The following CCDC178 variants were observed in gnomAD, a reference collection of about 807,000 sequenced individuals.
The protein encoded by CCDC178 is coiled-coil domain-containing protein 178.
CCDC178 carries 126 observed loss-of-function variants against 117.4 expected under a neutral mutation model. The ratio of observed to expected loss-of-function variants is 1.07; its 90% CI spans 0.93 to 1.24. CCDC178 has a LOEUF of 1.24. CCDC178 is among the 50% of genes most tolerant of loss of function. The pLI, the probability that CCDC178 is intolerant of heterozygous loss-of-function variation, is 0.00. For missense variants in CCDC178, 1,030 were observed against 986.9 expected (o/e 1.04, Z -0.59); for synonymous variants, 283 against 313.4 (o/e 0.90, Z 1.02).
At chr18:33,227,222 T>C (rs188215257) in intron 15 of CCDC178, among the ~76,000 whole-genome samples, 28 of 151,604 alleles carry the variant, frequency 1.8e-4, no homozygotes, top group Admixed American at 6.6e-4. Context: ...CAAAACAAGA[T>C]AGATGCAAGT....
intron 20 of CCDC178, among the ~76,000 whole-genome samples, chr18:33,185,673 G>C (rs1007228053): frequency 2.0e-5 from 3 of 151,966 alleles, no homozygotes. Flanking sequence ...TTCTCACAAA[G>C]AGAAATTTAG....
chr18:33,075,537 T>C (rs2057190332), intron 21 of CCDC178, among the ~76,000 whole-genome samples: 1 of 152,202 alleles, frequency 6.6e-6, no homozygotes, highest in Non-Finnish European at 1.5e-5. Context: ...TAAATATATA[T>C]ACCTACTATG....
rs1042102476 is a variant in CCDC178, at chr18:33,370,188, C to T, written c.210G>A (p.Gly70=). ...AGCTAAAGTAAATGCCTTTATTCAC[C>T]CCTAAAGAGAACAAATAGAAGTTCA... ...FHESKMTNTE[G]VNKGIYFSYP... The change falls in exon 6 of 23, where the codon GGG becomes GGA. Residue 70 remains glycine (G), a splice_region_variant and synonymous_variant. Coordinates refer to ENST00000383096, the MANE Select transcript of CCDC178 (RefSeq NM_001105528.4). 3 of 1,590,676 alleles carry T rather than the reference C, an allele frequency of 1.9e-6. No homozygotes were observed. The highest frequency in any genetic ancestry group is 2.7e-5 in the African/African-American group (2 of 73,138).
At chr18:33,156,356 G>T (rs532770969) in intron 20 of CCDC178, among the ~76,000 whole-genome samples, 6 of 151,424 alleles carry the variant, frequency 4.0e-5, no homozygotes, top group Admixed American at 3.9e-4. Context: ...CCAAAGTGCT[G>T]GGATTACAGG....
chr18:33,159,745 T>C lies in CCDC178; in HGVS notation c.2238+52151A>G, dbSNP rs180909538. On this transcript the variant is annotated intron_variant, in intron 20 of 22. Transcript: ENST00000383096. ...GGTTCTGGTGATTAGGATGCAGATA[T>C]CTTAGGGCACCATTATTTAGTCTAC... Among the ~76,000 whole-genome samples the C allele has an allele frequency of 2.6e-5, 4 of 152,236 alleles. No homozygotes were observed. In the East Asian group the frequency reaches 5.8e-4, roughly 22 times the overall value.
chr18:33,167,335 G>T (rs545680976), intron 20 of CCDC178, among the ~76,000 whole-genome samples: 2 of 152,086 alleles, frequency 1.3e-5, no homozygotes, highest in Non-Finnish European at 1.5e-5. Context: ...TTGAGAAATT[G>T]CCAAACTGCT....
At position 33,153,924 on chromosome 18, in the gene CCDC178, A is replaced by C. The variant is rs75106432; in HGVS notation, c.2238+57972T>G. Reference sequence around the variant, plus strand: ...AGATGATTTCATTGTTATTTTGTCTACTTTTTAGATTATCAGCAATGATTT... The same window carrying C: ...AGATGATTTCATTGTTATTTTGTCTCCTTTTTAGATTATCAGCAATGATTT... On this transcript the variant is annotated intron_variant, in intron 20 of 22. Coordinates refer to ENST00000383096, the MANE Select transcript of CCDC178 (RefSeq NM_001105528.4). Among the ~76,000 whole-genome samples the C allele has an allele frequency of 6.7e-3, 1,020 of 152,174 alleles. 7 individuals are homozygous for C. The highest frequency in any genetic ancestry group is 0.031 in the Middle Eastern group (9 of 288).
At chr18:33,351,147 G>GGT (rs756492350) in intron 7 of CCDC178, among the ~76,000 whole-genome samples, 2 of 74,042 alleles carry the variant, frequency 2.7e-5, no homozygotes, top group South Asian at 5.9e-4. Flanking sequence ...CACTGATCAT[G>GGT]ATGTGTGTGT....
intron 21 of CCDC178, among the ~76,000 whole-genome samples, chr18:33,034,107 T>C (rs1012492272): frequency 1.3e-5 from 2 of 151,992 alleles, no homozygotes; most frequent in Admixed American, 6.6e-5. Context: ...GCAAGAAACC[T>C]TGGAGTCATC....
chr18:33,245,573 A>G (rs998769862), intron 14 of CCDC178, 145 bp from the exon 15 acceptor site: 6 of 921,040 alleles, frequency 6.5e-6, no homozygotes, highest in African/African-American at 1.7e-5. Context: ...AAGACAGAAC[A>G]TGTGTCCTAG....
chr18:33,117,034 G>T (rs994737827), intron 20 of CCDC178, among the ~76,000 whole-genome samples: 5 of 152,178 alleles, frequency 3.3e-5, no homozygotes, highest in Non-Finnish European at 7.4e-5. Context: ...ATCAATTGAT[G>T]GTCTGTGGTT....
chr18:33,416,305 T>C (rs1278267354), intron 2 of CCDC178, among the ~76,000 whole-genome samples: 1 of 151,980 alleles, frequency 6.6e-6, no homozygotes, highest in Non-Finnish European at 1.5e-5. Flanking sequence ...CGGGCGCCTA[T>C]AGTCCCAGCT....
chr18:33,069,847 C>G (rs1407978383), intron 21 of CCDC178, among the ~76,000 whole-genome samples: 1 of 151,860 alleles, frequency 6.6e-6, no homozygotes, highest in Non-Finnish European at 1.5e-5. Context: ...AAATAATCCA[C>G]TTAAAAAATG....
At chr18:33,308,260 TG>T (rs1172226598) in intron 11 of CCDC178, among the ~76,000 whole-genome samples, 3 of 152,218 alleles carry the variant, frequency 2.0e-5, no homozygotes, top group African/African-American at 7.2e-5. Flanking sequence ...GCCCTGCACA[TG>T]AGACATGGAG....
intron 20 of CCDC178, among the ~76,000 whole-genome samples, chr18:33,186,421 T>C (rs2058795724): frequency 6.6e-6 from 1 of 152,080 alleles, no homozygotes; most frequent in South Asian, 2.1e-4. Flanking sequence ...GACCATAGTA[T>C]GTGTGTTAAC....
At chr18:33,002,254 C>A (rs1349180362) in intron 21 of CCDC178, among the ~76,000 whole-genome samples, 1 of 151,912 alleles carries the variant, frequency 6.6e-6, no homozygotes, top group African/African-American at 2.4e-5. Context: ...ATGGATCATT[C>A]TCAAGAATAA....
intron 20 of CCDC178, among the ~76,000 whole-genome samples, chr18:33,189,294 A>G (rs937144250): frequency 9.9e-5 from 15 of 152,158 alleles, no homozygotes; most frequent in East Asian, 3.9e-4. Context: ...TATAAGCAGC[A>G]GAAGAATAAA....
At chr18:33,408,319 A>G (rs1397840119) in intron 3 of CCDC178, among the ~76,000 whole-genome samples, 2 of 151,814 alleles carry the variant, frequency 1.3e-5, no homozygotes, top group Non-Finnish European at 2.9e-5. Flanking sequence ...TGCACATTTT[A>G]GTCACCTTCA....
intron 14 of CCDC178, among the ~76,000 whole-genome samples, chr18:33,249,099 CT>C (rs1455796665): frequency 1.3e-5 from 2 of 152,216 alleles, no homozygotes; most frequent in East Asian, 3.9e-4. Context: ...CCTTCACCCA[CT>C]TTTTGATGGG....
Sources: allele counts gnomAD v4.1 joint callset (sites outside exome capture counted in the v4.1 genomes callset), GRCh38; gene constraint gnomAD v4.1.1; transcripts MANE v1.5; gene names NCBI Gene and HGNC (gene_info 2026-07-23, HGNC 2026-07-21).